KIRREL3: variants seen among roughly 807,000 people sequenced by gnomAD.
KIRREL3 encodes the protein kirre like nephrin family adhesion molecule 3.
KIRREL3 carries 36 observed loss-of-function variants against 89.7 expected under a neutral mutation model. That is an observed-to-expected ratio of 0.40 (90% CI 0.31 to 0.53). KIRREL3 has a LOEUF of 0.53. Ranked by LOEUF, KIRREL3 falls within the 20% of genes least tolerant of loss-of-function variation. KIRREL3 has a pLI of 0.49. For missense variants in KIRREL3, 864 were observed against 1,056.6 expected (o/e 0.82, Z 2.53); for synonymous variants, 445 against 441.4 (o/e 1.01, Z -0.10).
intron 1 of KIRREL3, among the ~76,000 whole-genome samples, chr11:126,692,232 A>G (rs1465936954): frequency 2.0e-5 from 3 of 152,114 alleles, no homozygotes; most frequent in Admixed American, 6.6e-5. Flanking sequence ...CAGCCACACT[A>G]TTCACAATAA....
intron 1 of KIRREL3, among the ~76,000 whole-genome samples, chr11:126,899,022 T>TCGCATTCCTGAGGTCCCTTTGAC (rs2134825099): frequency 6.6e-6 from 1 of 151,352 alleles, no homozygotes; most frequent in South Asian, 2.1e-4. Context: ...GGGGGGTCTC[T>TCGCATTCCTGAGGTCCCTTTGAC]CGCATTCCTG....
chr11:126,717,225 T>C (rs1205324964), intron 1 of KIRREL3, among the ~76,000 whole-genome samples: 1 of 152,156 alleles, frequency 6.6e-6, no homozygotes, highest in African/African-American at 2.4e-5. Context: ...AAGCCTGAGG[T>C]TGGGAGTTAG....
In KIRREL3 at chr11:126,703,256, C is replaced by T. The variant is rs1947383749; in HGVS notation, c.56-140344G>A. On this transcript the variant is annotated intron_variant, in intron 1 of 16. Transcript: ENST00000525144. This position sits in a 1 kb window ranked among gnomAD's most constrained non-coding sequence, Gnocchi z 4.6. ...CCATGAGCGGCTGCTGCAGGCTGTG[C>T]ACTGCACAAGGCCAAGGCTTACCAT... Among the ~76,000 whole-genome samples the T allele has an allele frequency of 6.6e-6, 1 of 152,228 alleles. No homozygotes were observed. Among genetic ancestry groups the T allele is most frequent in the Non-Finnish European group, 1.5e-5 (1 of 68,048 alleles).
At chr11:126,662,645 C>T (rs1052708327) in intron 1 of KIRREL3, among the ~76,000 whole-genome samples, 2 of 152,210 alleles carry the variant, frequency 1.3e-5, no homozygotes, top group Non-Finnish European at 2.9e-5. Context: ...CTGATCACCT[C>T]TTGGAGGCCC....
Position 126,812,790 on chromosome 11 carries a change from T to C in KIRREL3, c.55+187665A>G, listed in dbSNP as rs1214944959. ...AATGCATTTCAATCAACTTCTACAATGATCCAATTTCTGGGTCTGGCTCTG... is the reference window on the plus strand; with the variant it reads ...AATGCATTTCAATCAACTTCTACAACGATCCAATTTCTGGGTCTGGCTCTG... On this transcript the variant is annotated intron_variant, in intron 1 of 16. Coordinates refer to ENST00000525144, the MANE Select transcript of KIRREL3 (RefSeq NM_032531.4). The surrounding 1 kb of genome is among the most constrained non-coding windows in gnomAD (Gnocchi z 5.2). Among the ~76,000 whole-genome samples, 1 of 152,218 alleles carries C rather than the reference T, an allele frequency of 6.6e-6. No homozygotes were observed. Among genetic ancestry groups the C allele is most frequent in the Non-Finnish European group, 1.5e-5 (1 of 68,040 alleles).
intron 1 of KIRREL3, among the ~76,000 whole-genome samples, chr11:126,975,823 A>G (rs1357810326): frequency 6.6e-6 from 1 of 152,112 alleles, no homozygotes; most frequent in Non-Finnish European, 1.5e-5. Context: ...TGCCTTAATA[A>G]TGCTAAGTTC....
chr11:126,581,056 A>G (rs928340829), intron 1 of KIRREL3, among the ~76,000 whole-genome samples: 1 of 152,134 alleles, frequency 6.6e-6, no homozygotes, highest in African/African-American at 2.4e-5. Context: ...ATGCCAGTTT[A>G]AAGAACATGG....
Position 126,685,166 on chromosome 11 carries a change from A to G in KIRREL3, c.56-122254T>C, listed in dbSNP as rs1291664535. 6.6e-6 allele frequency among the ~76,000 whole-genome samples: 1 copy of G among 152,158 alleles called. No homozygotes were observed. The highest frequency in any genetic ancestry group is 1.5e-5 in the Non-Finnish European group (1 of 68,026). ...GACCTCGAAGAAGCCCAGTGTGACA[A>G]GGATTGAGAGGTGTGCTCAAGATGT... is the stretch of plus-strand genomic sequence containing the variant. On this transcript the variant is annotated intron_variant, in intron 1 of 16. Transcript: ENST00000525144. The surrounding 1 kb of genome is among the most constrained non-coding windows in gnomAD (Gnocchi z 5.5).
chr11:126,678,464 G>A (rs977849708), intron 1 of KIRREL3, among the ~76,000 whole-genome samples: 1 of 151,992 alleles, frequency 6.6e-6, no homozygotes, highest in South Asian at 2.1e-4. Flanking sequence ...GCCAGGCATG[G>A]TGGCAGGCGC....
chr11:126,902,662 T>C (rs1457869383), intron 1 of KIRREL3, among the ~76,000 whole-genome samples: 1 of 152,190 alleles, frequency 6.6e-6, no homozygotes, highest in Non-Finnish European at 1.5e-5. Context: ...GTCCACAATC[T>C]ATTGAGGCAG....
chr11:126,720,730 T>C (rs1262942437), intron 1 of KIRREL3, among the ~76,000 whole-genome samples: 1 of 152,170 alleles, frequency 6.6e-6, no homozygotes, highest in African/African-American at 2.4e-5. Context: ...AAACCAGTTA[T>C]GATCACCCTC....
rs56325662 is a variant in KIRREL3, at chr11:126,681,609, G to GACACACACACACACACACACAC, written c.56-118698_56-118697insGTGTGTGTGTGTGTGTGTGTGT. On this transcript the variant is annotated intron_variant, in intron 1 of 16. Transcript: ENST00000525144. Reference sequence around the variant, plus strand: ...GTGTGCTCCTGGGAATGTATATACAGACACACACACACACACACCAGATCA... The same window carrying GACACACACACACACACACACAC: ...GTGTGCTCCTGGGAATGTATATACAGACACACACACACACACACACACACACACACACACACACACCAGATCA... Among the ~76,000 whole-genome samples the GACACACACACACACACACACAC allele has an allele frequency of 4.0e-5, 6 of 150,388 alleles. 1 individual carries two copies. The highest frequency in any genetic ancestry group is 1.2e-4 in the African/African-American group (5 of 40,824).
In KIRREL3 at chr11:126,904,874, T is replaced by C. The variant is rs1946512478; in HGVS notation, c.55+95581A>G. ...GAGAAACTGTAAAAATGTTCTTTGA[T>C]GGTATCTAGGACAACTCCAAGTATA... On this transcript the variant is annotated intron_variant, in intron 1 of 16. Coordinates refer to ENST00000525144, the MANE Select transcript of KIRREL3 (RefSeq NM_032531.4). The surrounding 1 kb of genome is among the most constrained non-coding windows in gnomAD (Gnocchi z 4.4). 6.6e-6 allele frequency among the ~76,000 whole-genome samples: 1 copy of C among 152,234 alleles called. No individual in the cohort carries two copies. Among genetic ancestry groups the C allele is most frequent in the South Asian group, 2.1e-4 (1 of 4,832 alleles).
intron 1 of KIRREL3, among the ~76,000 whole-genome samples, chr11:126,899,307 T>C (rs564860551): frequency 6.6e-6 from 1 of 152,246 alleles, no homozygotes; most frequent in South Asian, 2.1e-4. Flanking sequence ...GACATGAAGA[T>C]AGCTAAGAAA....
In KIRREL3 at chr11:126,976,407, C is replaced by T. The variant is rs1949578295; in HGVS notation, c.55+24048G>A. Among the ~76,000 whole-genome samples the T allele has an allele frequency of 6.6e-6, 1 of 152,166 alleles. No individual in the cohort carries two copies. The highest frequency in any genetic ancestry group is 1.5e-5 in the Non-Finnish European group (1 of 68,036). ...TGTTTATGAACCGTTACATTAATCT[C>T]CTGCAGATTTTTTTCTGGAGATTTA... On this transcript the variant is annotated intron_variant, in intron 1 of 16. Transcript: ENST00000525144. This position sits in a 1 kb window ranked among gnomAD's most constrained non-coding sequence, Gnocchi z 4.2.
rs973138504 is a variant in KIRREL3 at position 126,981,373 on chromosome 11, T to C, written c.55+19082A>G. ...CCCTGAAGAAGGAGGCTGATGGCCA[T>C]TGGGCCCACTGACAGCATATTGCCT... On this transcript the variant is annotated intron_variant, in intron 1 of 16. Transcript: ENST00000525144. This position sits in a 1 kb window ranked among gnomAD's most constrained non-coding sequence, Gnocchi z 4.2. 1.3e-5 allele frequency among the ~76,000 whole-genome samples: 2 copies of C among 152,180 alleles called. No homozygotes were observed. Among genetic ancestry groups the C allele is most frequent in the Non-Finnish European group, 2.9e-5 (2 of 68,018 alleles).
In KIRREL3 at chr11:126,897,857, A is replaced by C. The variant is rs1346164452; in HGVS notation, c.55+102598T>G. Among the ~76,000 whole-genome samples, 1 of 152,214 alleles carries C rather than the reference A, an allele frequency of 6.6e-6. No homozygotes were observed. Among genetic ancestry groups the C allele is most frequent in the African/African-American group, 2.4e-5 (1 of 41,454 alleles). On this transcript the variant is annotated intron_variant, in intron 1 of 16. Coordinates refer to ENST00000525144, the MANE Select transcript of KIRREL3 (RefSeq NM_032531.4). This position sits in a 1 kb window ranked among gnomAD's most constrained non-coding sequence, Gnocchi z 4.2. ...TTACTTTGACAGAAATGTTAAACTA[A>C]GTAAGTCTGCACATATCCACTGATG...
At chr11:126,598,393 T>G (rs1007919646) in intron 1 of KIRREL3, among the ~76,000 whole-genome samples, 1 of 152,220 alleles carries the variant, frequency 6.6e-6, no homozygotes, top group Non-Finnish European at 1.5e-5. Flanking sequence ...AATATGGATT[T>G]CCTAGCCTTC....
intron 1 of KIRREL3, among the ~76,000 whole-genome samples, chr11:126,810,897 TAAGCCCCTC>T (rs887169912): frequency 9.2e-5 from 14 of 152,276 alleles, no homozygotes; most frequent in African/African-American, 3.4e-4. Flanking sequence ...GAGGTTGTCT[TAAGCCCCTC>T]AAGCCCGGGC....
Sources: allele counts gnomAD v4.1 joint callset (sites outside exome capture counted in the v4.1 genomes callset), GRCh38; gene constraint gnomAD v4.1.1; non-coding constraint Gnocchi (gnomAD v3.1); transcripts MANE v1.5; gene names NCBI Gene and HGNC (gene_info 2026-07-23, HGNC 2026-07-21).